Variants in CCDC7 observed in about 807,000 individuals in gnomAD.
CCDC7 encodes coiled-coil domain-containing protein 7.
A neutral mutation model predicts 196.9 loss-of-function variants in CCDC7; 183 were observed. That is an observed-to-expected ratio of 0.93 (90% CI 0.82 to 1.05). The LOEUF (loss-of-function observed/expected upper bound fraction) is 1.05. Ranked by LOEUF, CCDC7 falls within the 50% of genes least tolerant of loss-of-function variation. The pLI, the probability that CCDC7 is intolerant of heterozygous loss-of-function variation, is 0.00. For missense variants in CCDC7, 1,540 were observed against 1,482.2 expected, an observed-to-expected ratio of 1.04 and a Z score of -0.64; for synonymous variants, 525 against 484.6, an observed-to-expected ratio of 1.08 and a Z score of -1.10.
At chr10:32,663,910 T>A in intron 20 of CCDC7, 144 bp from the exon 22 acceptor site, 1 of 348,416 alleles carries the variant, frequency 2.9e-6, no homozygotes, top group Non-Finnish European at 5.1e-6. Context: ...TATTTTCATG[T>A]CAGATCTAGA....
intron 19 of CCDC7, among the ~76,000 whole-genome samples, chr10:32,634,732 T>G (rs1339537201): frequency 6.6e-6 from 1 of 152,224 alleles, no homozygotes; most frequent in African/African-American, 2.4e-5. Flanking sequence ...AGAGGTCTTT[T>G]TTCTTTGCAT....
chr10:32,818,989 CAT>C (rs1459752514), intron 31 of CCDC7, among the ~76,000 whole-genome samples: 1 of 152,080 alleles, frequency 6.6e-6, no homozygotes, highest in African/African-American at 2.4e-5. Context: ...GAAATAGAGA[CAT>C]AAATAACCCT....
intron 28 of CCDC7, among the ~76,000 whole-genome samples, chr10:32,746,099 C>G (rs563817926): frequency 2.2e-4 from 34 of 152,242 alleles, no homozygotes; most frequent in African/African-American, 2.4e-4. Context: ...GCATCTCCCA[C>G]TGAGAGACCA....
At chr10:32,595,513 T>A (rs1350117191) in intron 18 of CCDC7, among the ~76,000 whole-genome samples, 1 of 152,198 alleles carries the variant, frequency 6.6e-6, no homozygotes, top group Non-Finnish European at 1.5e-5. Context: ...ATTCATTGAT[T>A]TTTTGAAGAG....
chr10:32,849,328 A>G (rs931614850), intron 39 of CCDC7, among the ~76,000 whole-genome samples: 2 of 152,098 alleles, frequency 1.3e-5, no homozygotes, highest in African/African-American at 4.8e-5. Context: ...ACCCATATGT[A>G]TGGCGGTTGG....
intron 18 of CCDC7, among the ~76,000 whole-genome samples, chr10:32,605,966 C>T (rs774459003): frequency 1.1e-4 from 17 of 152,192 alleles, no homozygotes; most frequent in African/African-American, 3.1e-4. Context: ...GAAAAGGCCT[C>T]GAAGTCATTT....
intron 18 of CCDC7, among the ~76,000 whole-genome samples, chr10:32,598,446 A>G (rs1165239898): frequency 6.6e-6 from 1 of 152,060 alleles, no homozygotes; most frequent in East Asian, 1.9e-4. Context: ...TGATCCCTTG[A>G]GCTTCCAGGG....
chr10:32,511,179 C>T (rs1227812674), intron 9 of CCDC7, among the ~76,000 whole-genome samples: 2 of 135,300 alleles, frequency 1.5e-5, no homozygotes, highest in African/African-American at 5.6e-5. Flanking sequence ...AAGTATTTAG[C>T]TTTACATATT....
intron 21 of CCDC7, among the ~76,000 whole-genome samples, chr10:32,666,246 G>T (rs1293597993): frequency 6.7e-6 from 1 of 149,344 alleles, no homozygotes; most frequent in Non-Finnish European, 1.5e-5. Flanking sequence ...ATGAAGAGAA[G>T]GTAGATTACA....
Position 32,675,348 on chromosome 10 carries a change from A to C in CCDC7, c.2123-10622A>C, listed in dbSNP as rs917119245. ...CCATAAAGTTAAAATGGTCTATTTT[A>C]AATTGTTATCTATTTTAAATTGTTA... On this transcript the variant is annotated intron_variant, in intron 21 of 41. Coordinates refer to ENST00000639629, the Ensembl canonical transcript of CCDC7. Among the ~76,000 whole-genome samples, 18 of 152,282 alleles carry C rather than the reference A, an allele frequency of 1.2e-4. No individual in the cohort carries two copies. The East Asian group carries it at 3.3e-3, about 28-fold the overall frequency.
chr10:32,802,153 G>A (rs534003506), intron 29 of CCDC7, among the ~76,000 whole-genome samples: 1 of 152,276 alleles, frequency 6.6e-6, no homozygotes, highest in Admixed American at 6.5e-5. Flanking sequence ...TTGAGGCTTA[G>A]TATGTGCTTC....
chr10:32,732,752 C>T (rs1402915110), intron 28 of CCDC7, among the ~76,000 whole-genome samples: 2 of 152,114 alleles, frequency 1.3e-5, no homozygotes, highest in Admixed American at 1.3e-4. Context: ...CCTTCCCCCA[C>T]CTACATGTAG....
At chr10:32,686,926 A>G (rs546853479) in intron 22 of CCDC7, among the ~76,000 whole-genome samples, 1 of 152,184 alleles carries the variant, frequency 6.6e-6, no homozygotes, top group Non-Finnish European at 1.5e-5. Context: ...CTGTTTCCAG[A>G]TCATGGTTTT....
Position 32,724,223 on chromosome 10 carries a change from C to T in CCDC7, c.2570-2511C>T, listed in dbSNP as rs184851548. Among the ~76,000 whole-genome samples the T allele has an allele frequency of 4.3e-4, 65 of 152,224 alleles. 1 individual carries two copies. The highest frequency in any genetic ancestry group is 8.5e-4 in the Admixed American group (13 of 15,272). On this transcript the variant is annotated intron_variant, in intron 25 of 41. Coordinates refer to ENST00000639629, the Ensembl canonical transcript of CCDC7. ...GCTCTATGGGACTCCCAGACTCTTG[C>T]AAAGGATTCATTGGCATCATCCGTG...
chr10:32,623,477 G>C (rs546068792), intron 18 of CCDC7, among the ~76,000 whole-genome samples: 2 of 152,052 alleles, frequency 1.3e-5, no homozygotes, highest in East Asian at 3.9e-4. Flanking sequence ...TTTCTATTCT[G>C]TTTTATTGAT....
rs117696838 is a variant in CCDC7, at chr10:32,746,467, A to G, written c.2905+17010A>G. ...GGCGCTGCAATGACTACAGTGGAGC[A>G]TGGCCAGCGATGCCCATCCCTCAAG... On this transcript the variant is annotated intron_variant, in intron 28 of 41. Transcript: ENST00000639629. Among the ~76,000 whole-genome samples the G allele has an allele frequency of 6.2e-4, 95 of 152,278 alleles. No homozygotes were observed. The East Asian group carries it at 9.1e-3, about 15-fold the overall frequency.
chr10:32,606,729 C>T (rs2061596834), intron 18 of CCDC7, among the ~76,000 whole-genome samples: 2 of 152,152 alleles, frequency 1.3e-5, no homozygotes, highest in South Asian at 4.1e-4. Flanking sequence ...GAAGTCTTTA[C>T]CCAATGCCTG....
chr10:32,566,711 C>G (rs985296275), intron 14 of CCDC7, among the ~76,000 whole-genome samples: 1 of 151,250 alleles, frequency 6.6e-6, no homozygotes, highest in South Asian at 2.1e-4. Flanking sequence ...CAAGAATTTG[C>G]GAACAGCCTG....
intron 41 of CCDC7, 55 bp downstream of exon 42, chr10:32,854,544 C>T: frequency 8.8e-7 from 1 of 1,136,558 alleles, no homozygotes; most frequent in Non-Finnish European, 1.3e-6. Flanking sequence ...GCTATATTCT[C>T]ATCGTCTCTA....
Sources: gnomAD v4.1 joint callset for allele counts (sites outside exome capture counted in the v4.1 genomes callset) on GRCh38, gnomAD v4.1.1 for gene constraint, MANE v1.5 for transcripts, NCBI Gene and HGNC (gene_info 2026-07-23, HGNC 2026-07-21) for gene names.